The following KCNH7 variants were observed in gnomAD, a reference collection of about 807,000 sequenced individuals.
KCNH7 encodes potassium voltage-gated channel subfamily H member 7, also known as voltage-gated inwardly rectifying potassium channel KCNH7.
KCNH7 carries 49 observed loss-of-function variants against 120.8 expected under a neutral mutation model. The observed-to-expected ratio is 0.41, with a 90% CI of 0.32 to 0.51. The LOEUF (loss-of-function observed/expected upper bound fraction) is 0.51. Ranked by LOEUF, KCNH7 falls within the 20% of genes least tolerant of loss-of-function variation. The pLI, the probability that KCNH7 is intolerant of heterozygous loss-of-function variation, is 0.38. For missense variants in KCNH7, 1,097 were observed against 1,446.6 expected (o/e 0.76, Z 3.92); for synonymous variants, 547 against 516.1 (o/e 1.06, Z -0.81).
chr2:162,439,219 A>T (rs939862911), intron 7 of KCNH7, among the ~76,000 whole-genome samples: 1 of 152,078 alleles, frequency 6.6e-6, no homozygotes, highest in African/African-American at 2.4e-5. Flanking sequence ...AGAGTAAAAA[A>T]CTGTCTCTTA....
chr2:162,838,088 TC>T (rs1391894270), intron 1 of KCNH7, among the ~76,000 whole-genome samples: 1 of 152,176 alleles, frequency 6.6e-6, no homozygotes, highest in Admixed American at 6.5e-5. Flanking sequence ...CTGCTCTGCT[TC>T]CGACTTTCAG....
chr2:162,615,544 A>G (rs1683115632), intron 2 of KCNH7, among the ~76,000 whole-genome samples: 1 of 152,340 alleles, frequency 6.6e-6, no homozygotes, highest in South Asian at 2.1e-4. Context: ...AGGGTTCTCA[A>G]ATGGTAGGTA....
rs1014330946 is a variant in KCNH7 at position 162,600,397 on chromosome 2, C to T, written c.308-63317G>A. Among the ~76,000 whole-genome samples the T allele has an allele frequency of 4.6e-5, 7 of 152,058 alleles. No homozygotes were observed. The East Asian group carries it at 1.2e-3, about 25-fold the overall frequency. On this transcript the variant is annotated intron_variant, in intron 2 of 15. Transcript: ENST00000332142. The stretch of plus-strand genomic sequence containing the variant: ...GGCACCCCACTTTGACATTCATTCA[C>T]TCATGAAAAAACCAGATAATTTGGG...
intron 2 of KCNH7, among the ~76,000 whole-genome samples, chr2:162,649,645 G>T (rs1460932453): frequency 7.5e-6 from 1 of 133,180 alleles, no homozygotes; most frequent in Non-Finnish European, 1.5e-5. Context: ...TCCCATTTCT[G>T]CATGAAAGAC....
At chr2:162,648,501 A>G (rs1261467404) in intron 2 of KCNH7, among the ~76,000 whole-genome samples, 1 of 152,120 alleles carries the variant, frequency 6.6e-6, no homozygotes, top group African/African-American at 2.4e-5. Context: ...TAAGCTCTCC[A>G]TGGTCTAGCC....
intron 6 of KCNH7, among the ~76,000 whole-genome samples, chr2:162,457,241 A>T (rs1688994443): frequency 6.6e-6 from 1 of 152,156 alleles, no homozygotes; most frequent in Non-Finnish European, 1.5e-5. Flanking sequence ...TAAGAAAGCC[A>T]ACTTCTCCCA....
chr2:162,723,499 A>G (rs1440892027), intron 2 of KCNH7, among the ~76,000 whole-genome samples: 1 of 152,228 alleles, frequency 6.6e-6, no homozygotes. Flanking sequence ...CTTGGAATGT[A>G]CCACCCAATG....
chr2:162,533,626 C>T, intron 3 of KCNH7, among the ~76,000 whole-genome samples: 1 of 151,440 alleles, frequency 6.6e-6, no homozygotes, highest in African/African-American at 2.4e-5. Flanking sequence ...TATATGGCTA[C>T]CTATGAAATA....
intron 6 of KCNH7, among the ~76,000 whole-genome samples, chr2:162,496,563 TC>T (rs1690506611): frequency 1.3e-5 from 2 of 152,238 alleles, no homozygotes; most frequent in South Asian, 4.2e-4. Context: ...AGCTTTCCTT[TC>T]ACTTAAAAAA....
chr2:162,507,629 C>T (rs1690926576), intron 5 of KCNH7, among the ~76,000 whole-genome samples: 1 of 151,554 alleles, frequency 6.6e-6, no homozygotes, highest in Admixed American at 6.6e-5. Flanking sequence ...CATGTCCTGA[C>T]ATCTAGTGGG....
intron 2 of KCNH7, among the ~76,000 whole-genome samples, chr2:162,777,047 G>C (rs188546550): frequency 1.5e-3 from 229 of 152,184 alleles, no homozygotes; most frequent in Non-Finnish European, 2.4e-3. Flanking sequence ...GTACATAAAG[G>C]CTGTGATTTA....
chr2:162,825,927 T>C (rs1474369395), intron 2 of KCNH7, among the ~76,000 whole-genome samples: 3 of 152,102 alleles, frequency 2.0e-5, no homozygotes, highest in Non-Finnish European at 4.4e-5. Context: ...TAACAGTGGA[T>C]ATCTGTTAGT....
chr2:162,597,133 T>C (rs562211455), intron 2 of KCNH7, among the ~76,000 whole-genome samples: 254 of 152,210 alleles, frequency 1.7e-3, no homozygotes, highest in African/African-American at 5.8e-3. Context: ...TAGAAAACAG[T>C]GTGGAAATTC....
chr2:162,383,978 A>G (rs938115090), intron 13 of KCNH7, among the ~76,000 whole-genome samples: 8 of 151,880 alleles, frequency 5.3e-5, no homozygotes, highest in Non-Finnish European at 1.2e-4. Flanking sequence ...CGTTACTGGT[A>G]CCACTTACTA....
chr2:162,744,869 G>A (rs530196478), intron 2 of KCNH7, among the ~76,000 whole-genome samples: 2 of 152,192 alleles, frequency 1.3e-5, no homozygotes, highest in African/African-American at 4.8e-5. Flanking sequence ...CACCGCGCCC[G>A]GCCGACAGAA....
chr2:162,641,646 A>C (rs1684161462), intron 2 of KCNH7, among the ~76,000 whole-genome samples: 1 of 152,164 alleles, frequency 6.6e-6, no homozygotes, highest in Non-Finnish European at 1.5e-5. Context: ...GCTAGAGGTC[A>C]GGGATTAAGG....
chr2:162,464,930 A>G (rs973125598), intron 6 of KCNH7, among the ~76,000 whole-genome samples: 1 of 152,124 alleles, frequency 6.6e-6, no homozygotes, highest in Non-Finnish European at 1.5e-5. Context: ...GAAATAAGGC[A>G]TATTATAGGG....
chr2:162,772,146 T>A (rs1683079656), intron 2 of KCNH7, among the ~76,000 whole-genome samples: 1 of 152,194 alleles, frequency 6.6e-6, no homozygotes, highest in Non-Finnish European at 1.5e-5. Context: ...ATAACCCTCT[T>A]GTAGTTAGAT....
At chr2:162,605,725 T>C (rs972731320) in intron 2 of KCNH7, among the ~76,000 whole-genome samples, 3 of 152,146 alleles carry the variant, frequency 2.0e-5, no homozygotes, top group African/African-American at 7.2e-5. Flanking sequence ...TGGAAAATAT[T>C]CTAATATAAG....
Sources: allele counts gnomAD v4.1 joint callset (sites outside exome capture counted in the v4.1 genomes callset), GRCh38; gene constraint gnomAD v4.1.1; transcripts MANE v1.5; gene names NCBI Gene and HGNC (gene_info 2026-07-23, HGNC 2026-07-21).